Variants in MACROD2 observed in about 807,000 individuals in gnomAD.
The protein encoded by MACROD2 is mono-ADP ribosylhydrolase 2, also known as ADP-ribose glycohydrolase MACROD2.
A neutral mutation model predicts 70.4 loss-of-function variants in MACROD2; 36 were observed. The observed-to-expected ratio is 0.51, with a 90% CI of 0.39 to 0.68. MACROD2 has a LOEUF of 0.68. MACROD2 is among the 30% of genes least tolerant of loss of function. The pLI, the probability that MACROD2 is intolerant of heterozygous loss-of-function variation, is 0.00. For missense variants in MACROD2, 496 were observed against 538.4 expected, an observed-to-expected ratio of 0.92 and a Z score of 0.78; for synonymous variants, 172 against 178.8, an observed-to-expected ratio of 0.96 and a Z score of 0.30.
chr20:16,007,221 A>G (rs376517189), intron 15 of MACROD2, among the ~76,000 whole-genome samples: 129 of 152,348 alleles, frequency 8.5e-4, no homozygotes, highest in African/African-American at 3.1e-3. Context: ...GCATTTTATA[A>G]ATGTTTGTTT....
intron 5 of MACROD2, among the ~76,000 whole-genome samples, chr20:15,008,443 T>G (rs1221021542): frequency 6.6e-6 from 1 of 152,178 alleles, no homozygotes; most frequent in African/African-American, 2.4e-5. Context: ...TCAGCAGGTA[T>G]GTTTTGAGCA....
At chr20:14,730,531 A>C (rs774645432) in intron 5 of MACROD2, among the ~76,000 whole-genome samples, 1 of 152,172 alleles carries the variant, frequency 6.6e-6, no homozygotes, top group Non-Finnish European at 1.5e-5. Flanking sequence ...TTATAAACCC[A>C]GTGAAACTGT....
At chr20:14,452,421 C>A (rs2084255438) in intron 3 of MACROD2, among the ~76,000 whole-genome samples, 1 of 151,876 alleles carries the variant, frequency 6.6e-6, no homozygotes, top group African/African-American at 2.4e-5. Context: ...ATGACAATAT[C>A]CATCTTATAT....
intron 5 of MACROD2, among the ~76,000 whole-genome samples, chr20:14,986,131 T>C (rs577107699): frequency 6.6e-6 from 1 of 152,316 alleles, no homozygotes; most frequent in Admixed American, 6.5e-5. Flanking sequence ...CCTGGGCCAT[T>C]GAAGACATGG....
At chr20:14,377,534 G>A (rs1004633202) in intron 3 of MACROD2, among the ~76,000 whole-genome samples, 7 of 152,094 alleles carry the variant, frequency 4.6e-5, no homozygotes, top group African/African-American at 1.7e-4. Context: ...ATCCCTCTTG[G>A]CTACAAATAC....
intron 3 of MACROD2, among the ~76,000 whole-genome samples, chr20:14,126,230 C>A (rs2054648298): frequency 6.6e-6 from 1 of 152,166 alleles, no homozygotes; most frequent in Admixed American, 6.5e-5. Flanking sequence ...CAGATGGCTG[C>A]CCTCTTGCTA....
At position 14,034,113 on chromosome 20, in the gene MACROD2, A is replaced by C. The variant is rs376822783; in HGVS notation, c.163+31709A>C. 2.7e-4 allele frequency among the ~76,000 whole-genome samples: 41 copies of C among 152,178 alleles called. No homozygotes were observed. The East Asian group carries it at 2.7e-3, about 10-fold the overall frequency. On this transcript the variant is annotated intron_variant, in intron 2 of 17. Transcript: ENST00000684519. The stretch of plus-strand genomic sequence containing the variant: ...CAGCCTCCCGACTAGTTGGGACTAC[A>C]GGCGCCCGCCACCACACCAGGCTAA...
chr20:16,007,246 A>G (rs1051354294), intron 15 of MACROD2, among the ~76,000 whole-genome samples: 3 of 152,232 alleles, frequency 2.0e-5, no homozygotes, highest in African/African-American at 7.2e-5. Context: ...TAGGAGAGTG[A>G]TAAATTACAG....
At chr20:14,075,374 A>G (rs2053904354) in intron 2 of MACROD2, among the ~76,000 whole-genome samples, 1 of 152,208 alleles carries the variant, frequency 6.6e-6, no homozygotes, top group African/African-American at 2.4e-5. Context: ...TCTGACTGAC[A>G]ACAGCCGAGT....
chr20:15,754,762 C>A (rs1035510238), intron 8 of MACROD2, among the ~76,000 whole-genome samples: 1 of 150,008 alleles, frequency 6.7e-6, no homozygotes, highest in South Asian at 2.1e-4. Flanking sequence ...ATTATGTATA[C>A]CCTAAAGAAT....
At chr20:15,020,988 GTA>G (rs1439069440) in intron 5 of MACROD2, among the ~76,000 whole-genome samples, 2 of 147,386 alleles carry the variant, frequency 1.4e-5, no homozygotes, top group Non-Finnish European at 3.0e-5. Flanking sequence ...ACACATGTGT[GTA>G]TATGTATATG....
chr20:14,170,038 C>T (rs1005067038), intron 3 of MACROD2, among the ~76,000 whole-genome samples: 3 of 152,052 alleles, frequency 2.0e-5, no homozygotes, highest in African/African-American at 4.8e-5. Context: ...GGATTACAGG[C>T]GCATGCCACC....
chr20:15,001,881 T>C (rs2074998030), intron 5 of MACROD2, among the ~76,000 whole-genome samples: 1 of 151,808 alleles, frequency 6.6e-6, no homozygotes, highest in Non-Finnish European at 1.5e-5. Flanking sequence ...TTCCCCCAAG[T>C]CCCCACTGTC....
chr20:15,892,719 T>C (rs973039294), intron 10 of MACROD2, among the ~76,000 whole-genome samples: 5 of 152,272 alleles, frequency 3.3e-5, no homozygotes, highest in African/African-American at 4.8e-5. Context: ...AAAAATGTTT[T>C]AGCTTAAGCC....
At chr20:15,445,885 A>G (rs1295184583) in intron 7 of MACROD2, among the ~76,000 whole-genome samples, 2 of 152,120 alleles carry the variant, frequency 1.3e-5, no homozygotes, top group African/African-American at 4.8e-5. Flanking sequence ...GTGAAATAGC[A>G]AGGGGAGAGG....
intron 5 of MACROD2, among the ~76,000 whole-genome samples, chr20:15,185,650 T>G (rs2076529853): frequency 6.6e-6 from 1 of 152,224 alleles, no homozygotes; most frequent in Non-Finnish European, 1.5e-5. Flanking sequence ...TTAGATGGTC[T>G]GATAACAAAG....
At chr20:15,853,577 A>G (rs1452508265) in intron 8 of MACROD2, among the ~76,000 whole-genome samples, 1 of 152,164 alleles carries the variant, frequency 6.6e-6, no homozygotes, top group African/African-American at 2.4e-5. Context: ...GGAGGCAGAA[A>G]TATGGCAAGG....
intron 4 of MACROD2, among the ~76,000 whole-genome samples, chr20:14,583,392 A>G (rs1158233600): frequency 1.3e-5 from 2 of 152,182 alleles, no homozygotes; most frequent in African/African-American, 4.8e-5. Context: ...CCTGGGAGGC[A>G]TCTGTACTTT....
chr20:15,189,056 G>A (rs2076552390), intron 5 of MACROD2, among the ~76,000 whole-genome samples: 1 of 152,088 alleles, frequency 6.6e-6, no homozygotes, highest in Admixed American at 6.6e-5. Flanking sequence ...TCATATGGCT[G>A]GATTTGGCCA....
Sources: allele counts gnomAD v4.1 joint callset (sites outside exome capture counted in the v4.1 genomes callset), GRCh38; gene constraint gnomAD v4.1.1; transcripts MANE v1.5; gene names NCBI Gene and HGNC (gene_info 2026-07-23, HGNC 2026-07-21).